Variants in SIPA1L1 observed in about 807,000 individuals in gnomAD.
SIPA1L1 encodes the protein signal induced proliferation associated 1 like 1, also known as signal-induced proliferation-associated 1-like protein 1.
In SIPA1L1, 26 loss-of-function variants were observed where a neutral mutation model predicts 162.7. That is an observed-to-expected ratio of 0.16 (90% CI 0.12 to 0.22). The LOEUF is 0.22. SIPA1L1 is among the 10% of genes least tolerant of loss of function. The probability of loss-of-function intolerance (pLI) is 1.00; values close to 1 mark genes in which losing one functional copy is unlikely to be tolerated. For missense variants in SIPA1L1, 1,874 were observed against 2,241.0 expected, an observed-to-expected ratio of 0.84 and a Z score of 3.31; for synonymous variants, 829 against 837.4, an observed-to-expected ratio of 0.99 and a Z score of 0.17.
chr14:71,393,321 A>G (rs2040916236), intron 2 of SIPA1L1, among the ~76,000 whole-genome samples: 1 of 152,244 alleles, frequency 6.6e-6, no homozygotes, highest in African/African-American at 2.4e-5. Context: ...AATTGTGTAA[A>G]GAAAGATGAT....
In SIPA1L1 at chr14:71,514,355, G is replaced by A. The variant is rs190898537; in HGVS notation, c.-362+1510G>A. On this transcript the variant is annotated intron_variant, in intron 3 of 23. Coordinates refer to ENST00000381232, the MANE Select transcript of SIPA1L1 (RefSeq NM_001386936.1). ...TGTGTTTACTGGAGTTGTACATAACGCTTGCCTGAGGCATTCTTCCCTTAC... is the reference window on the plus strand; with the variant it reads ...TGTGTTTACTGGAGTTGTACATAACACTTGCCTGAGGCATTCTTCCCTTAC... 3.9e-4 allele frequency among the ~76,000 whole-genome samples: 60 copies of A among 152,256 alleles called. No individual in the cohort carries two copies. In the East Asian group the frequency reaches 9.1e-3, roughly 23 times the overall value.
At chr14:71,738,442 T>TCCCCAAACACATGCA in intron 23 of SIPA1L1, 117 bp downstream of exon 23, 1 of 642,844 alleles carries the variant, frequency 1.6e-6, no homozygotes, top group Non-Finnish European at 2.7e-6. Flanking sequence ...GGTGCCTGCA[T>TCCCCAAACACATGCA]GTGTTTGGGG....
chr14:71,552,617 C>T (rs1282035978), intron 4 of SIPA1L1, among the ~76,000 whole-genome samples: 2 of 151,930 alleles, frequency 1.3e-5, no homozygotes, highest in African/African-American at 2.4e-5. Context: ...AAGATGGTCT[C>T]GATCTCCTGA....
In SIPA1L1 at chr14:71,722,518, C is replaced by A. The variant is rs2083838244; in HGVS notation, c.4209-1129C>A. Among the ~76,000 whole-genome samples the A allele has an allele frequency of 3.3e-5, 5 of 152,234 alleles. No homozygotes were observed. The South Asian group carries it at 1.0e-3, about 32-fold the overall frequency. On this transcript the variant is annotated intron_variant, in intron 17 of 23. Coordinates refer to ENST00000381232, the MANE Select transcript of SIPA1L1 (RefSeq NM_001386936.1). The stretch of plus-strand genomic sequence containing the variant: ...AAGAGTCAGCCATCTTTGGTCTCAC[C>A]CCATGCTGGAGAACTCAGAAAGGCT...
chr14:71,661,208 T>C, intron 9 of SIPA1L1, 102 bp from the exon 10 acceptor site: 1 of 1,221,024 alleles, frequency 8.2e-7, no homozygotes, highest in South Asian at 1.4e-5. Flanking sequence ...TCATGTGTAC[T>C]GATTAGGAAT....
intron 2 of SIPA1L1, among the ~76,000 whole-genome samples, chr14:71,365,591 A>G (rs749643979): frequency 6.6e-5 from 10 of 152,164 alleles, no homozygotes; most frequent in Non-Finnish European, 1.3e-4. Flanking sequence ...ACATGTTTAA[A>G]TTAATAAATA....
chr14:71,446,894 G>GTTTTTTTTTTTTTTTTTTTTTTTTTT lies in SIPA1L1; in HGVS notation c.-464-65838_-464-65837insTTTTTTTTTTTTTTTTTTTTTTTTTT, dbSNP rs765106790. Reference sequence around the variant, plus strand: ...CTGCAAATAAAGAGAGATGGGCTCTGTTTTTTTTTTTGTTTTTTTTTTTTT... The same window carrying GTTTTTTTTTTTTTTTTTTTTTTTTTT: ...CTGCAAATAAAGAGAGATGGGCTCTGTTTTTTTTTTTTTTTTTTTTTTTTTTTTTTTTTTTTTGTTTTTTTTTTTTT... On this transcript the variant is annotated intron_variant, in intron 2 of 23. Coordinates refer to ENST00000381232, the MANE Select transcript of SIPA1L1 (RefSeq NM_001386936.1). 2.2e-4 allele frequency among the ~76,000 whole-genome samples: 19 copies of GTTTTTTTTTTTTTTTTTTTTTTTTTT among 87,400 alleles called. 5 individuals are homozygous for GTTTTTTTTTTTTTTTTTTTTTTTTTT. Among genetic ancestry groups the GTTTTTTTTTTTTTTTTTTTTTTTTTT allele is most frequent in the African/African-American group, 6.1e-4 (14 of 22,996 alleles). 57.3% of individuals were successfully genotyped at this position (87,400 alleles called of 152,430 possible). A position where few individuals can be genotyped will look rare whatever the true frequency, so the allele number is the denominator to read the frequency against.
chr14:71,503,487 CT>C (rs2050408909), intron 2 of SIPA1L1, among the ~76,000 whole-genome samples: 1 of 152,150 alleles, frequency 6.6e-6, no homozygotes, highest in African/African-American at 2.4e-5. Context: ...ATTCAGTTTC[CT>C]TATTTGTAAA....
At chr14:71,481,006 C>T (rs981210829) in intron 2 of SIPA1L1, among the ~76,000 whole-genome samples, 12 of 152,190 alleles carry the variant, frequency 7.9e-5, no homozygotes, top group African/African-American at 2.9e-4. Flanking sequence ...TGCAGAAATG[C>T]ACCCAGGACA....
intron 7 of SIPA1L1, among the ~76,000 whole-genome samples, chr14:71,633,110 T>TTGTTGTTATGTTA (rs2040749342): frequency 7.3e-6 from 1 of 137,338 alleles, no homozygotes; most frequent in Non-Finnish European, 1.6e-5. Context: ...ACAAGCATGA[T>TTGTTGTTATGTTA]TGTTATGTTA....
At chr14:71,505,511 C>T (rs1299970063) in intron 2 of SIPA1L1, among the ~76,000 whole-genome samples, 1 of 149,936 alleles carries the variant, frequency 6.7e-6, no homozygotes, top group Non-Finnish European at 1.5e-5. Flanking sequence ...GTTTCATCTA[C>T]TTTATTATTA....
chr14:71,633,924 G>C (rs914365179), intron 7 of SIPA1L1, among the ~76,000 whole-genome samples: 4 of 152,048 alleles, frequency 2.6e-5, no homozygotes, highest in Non-Finnish European at 4.4e-5. Flanking sequence ...AGAAATATTT[G>C]GTAAGAAGTT....
At chr14:71,650,630 G>A (rs2149079160) in intron 8 of SIPA1L1, 121 bp downstream of exon 8, 3 of 899,996 alleles carry the variant, frequency 3.3e-6, no homozygotes, top group Non-Finnish European at 5.2e-6. Context: ...GGTGATGGGG[G>A]AGAGAAAGCC....
chr14:71,718,772 A>G (rs914889566), intron 17 of SIPA1L1, among the ~76,000 whole-genome samples: 2 of 152,190 alleles, frequency 1.3e-5, no homozygotes, highest in Admixed American at 1.3e-4. Flanking sequence ...AGTCAACATT[A>G]TGTTGCTAAG....
intron 2 of SIPA1L1, among the ~76,000 whole-genome samples, chr14:71,412,136 A>C (rs1053654030): frequency 5.9e-5 from 9 of 152,238 alleles, no homozygotes; most frequent in Non-Finnish European, 1.0e-4. Context: ...GCTGCAGGCC[A>C]GTTGTGTAAA....
At chr14:71,329,578 C>G (rs2034273668) in intron 2 of SIPA1L1, among the ~76,000 whole-genome samples, 1 of 151,946 alleles carries the variant, frequency 6.6e-6, no homozygotes, top group African/African-American at 2.4e-5. Context: ...GTAGCTGGGA[C>G]TAATGGTGTA....
intron 2 of SIPA1L1, among the ~76,000 whole-genome samples, chr14:71,327,511 T>C (rs1406524819): frequency 3.9e-5 from 6 of 152,252 alleles, no homozygotes; most frequent in African/African-American, 1.2e-4. Context: ...AGAGTCTGCT[T>C]ATTAGGAGAT....
chr14:71,495,066 AT>A (rs1226924636), intron 2 of SIPA1L1, among the ~76,000 whole-genome samples: 1 of 152,154 alleles, frequency 6.6e-6, no homozygotes, highest in Non-Finnish European at 1.5e-5. Context: ...TTGTTTGTAA[AT>A]TCTTGAGGAA....
At chr14:71,385,500 A>C (rs78763605) in intron 2 of SIPA1L1, among the ~76,000 whole-genome samples, 342 of 152,322 alleles carry the variant, frequency 2.2e-3, no homozygotes, top group African/African-American at 8.1e-3. Flanking sequence ...GAATAGCTCT[A>C]TCCAATAGAT....
Sources: gnomAD v4.1 joint callset for allele counts (sites outside exome capture counted in the v4.1 genomes callset) on GRCh38, gnomAD v4.1.1 for gene constraint, MANE v1.5 for transcripts, NCBI Gene and HGNC (gene_info 2026-07-23, HGNC 2026-07-21) for gene names.